KIAA0232: variants seen among roughly 807,000 people sequenced by gnomAD.
KIAA0232 encodes uncharacterized protein KIAA0232.
In KIAA0232, 27 loss-of-function variants were observed where a neutral mutation model predicts 122.0. That is an observed-to-expected ratio of 0.22 (90% CI 0.16 to 0.31). The LOEUF (loss-of-function observed/expected upper bound fraction) is 0.31. KIAA0232 is among the 10% of genes least tolerant of loss of function. The pLI, the probability that KIAA0232 is intolerant of heterozygous loss-of-function variation, is 1.00. For missense variants in KIAA0232, 1,551 were observed against 1,634.2 expected, an observed-to-expected ratio of 0.95 and a Z score of 0.88; for synonymous variants, 613 against 587.6, an observed-to-expected ratio of 1.04 and a Z score of -0.63.
Position 6,861,805 on chromosome 4 carries a change from G to A in KIAA0232, c.1423G>A (p.Ala475Thr). The change falls in exon 7 of 10, where the codon GCA becomes ACA. Residue 475 changes from alanine (A) to threonine (T), a missense_variant. Around this residue, in one of 5 missense-constraint regions of KIAA0232, gnomAD observed 1,108 missense variants for 1,154.8 expected, o/e 0.96. Coordinates refer to ENST00000307659, the MANE Select transcript of KIAA0232 (RefSeq NM_014743.3). ...TGATGGTCATTTTGTAGAAATGCCT[G>A]CAGTTATAAATGAGGATATTGACCT... ...FIDGHFVEMP[A>T]VINEDIDLTG... 2 of 1,614,112 alleles carry A rather than the reference G, an allele frequency of 1.2e-6. No individual in the cohort carries two copies. Among genetic ancestry groups the A allele is most frequent in the African/African-American group, 1.3e-5 (1 of 75,036 alleles).
At chr4:6,784,669 A>G (rs1449204097) in intron 1 of KIAA0232, among the ~76,000 whole-genome samples, 2 of 152,214 alleles carry the variant, frequency 1.3e-5, no homozygotes, top group Non-Finnish European at 2.9e-5. Flanking sequence ...TGCATTTTTA[A>G]TCATTCAAAA....
chr4:6,814,248 A>G (rs965472074), intron 2 of KIAA0232, among the ~76,000 whole-genome samples: 6 of 152,104 alleles, frequency 3.9e-5, no homozygotes, highest in African/African-American at 1.4e-4. Flanking sequence ...TTTGCACTTA[A>G]CCACCTTGGG....
intron 1 of KIAA0232, among the ~76,000 whole-genome samples, chr4:6,790,392 CTTT>C (rs10532360): frequency 3.7e-5 from 4 of 109,372 alleles, no homozygotes; most frequent in African/African-American, 6.8e-5. Flanking sequence ...TAAAAAAGGT[CTTT>C]TTTTTTTTTT....
intron 1 of KIAA0232, among the ~76,000 whole-genome samples, chr4:6,791,120 A>G (rs1031627170): frequency 1.3e-5 from 2 of 150,650 alleles, no homozygotes; most frequent in East Asian, 2.0e-4. Flanking sequence ...GGGTTTTGCC[A>G]TGTTGCCCAG....
rs1229418114 is a variant in KIAA0232 at position 6,863,070 on chromosome 4, A to G, written c.2688A>G (p.Arg896=). Reference sequence around the variant, plus strand: ...GACAGAAAGAGAGCCTGGAGAAAAGAGCATTTGCTTCTAGTGAGCTATCAA... The same window carrying G: ...GACAGAAAGAGAGCCTGGAGAAAAGGGCATTTGCTTCTAGTGAGCTATCAA... ...WEGQKESLEK[R]AFASSELSNV... is the part of the protein sequence containing the mutation. The change falls in exon 7 of 10, where the codon AGA becomes AGG. Residue 896 remains arginine (R), a synonymous_variant. Coordinates refer to ENST00000307659, the MANE Select transcript of KIAA0232 (RefSeq NM_014743.3). 1 of 1,614,232 alleles carries G rather than the reference A, an allele frequency of 6.2e-7. No homozygotes were observed.
intron 1 of KIAA0232, among the ~76,000 whole-genome samples, chr4:6,792,075 T>C (rs1428353226): frequency 2.0e-5 from 3 of 152,238 alleles, no homozygotes; most frequent in Non-Finnish European, 4.4e-5. Flanking sequence ...TTGTGAGGCC[T>C]CTGCAGCCAC....
At chr4:6,806,412 G>A (rs1717615260) in intron 2 of KIAA0232, among the ~76,000 whole-genome samples, 4 of 152,132 alleles carry the variant, frequency 2.6e-5, no homozygotes, top group Admixed American at 2.6e-4. Context: ...CATCTCCATA[G>A]TACAATTAAA....
chr4:6,877,568 G>A (rs926851158), intron 9 of KIAA0232, among the ~76,000 whole-genome samples: 3 of 152,150 alleles, frequency 2.0e-5, no homozygotes, highest in Admixed American at 6.5e-5. Flanking sequence ...GAGGAGGAAG[G>A]AGAGCCAGTC....
At position 6,864,063 on chromosome 4, in the gene KIAA0232, A is replaced by G. The variant is rs756649674; in HGVS notation, c.3681A>G (p.Glu1227=). 2 of 1,614,220 alleles carry G rather than the reference A, an allele frequency of 1.2e-6. No individual in the cohort carries two copies. Among genetic ancestry groups the G allele is most frequent in the Admixed American group, 3.3e-5 (2 of 60,030 alleles). The part of the protein sequence containing the change: ...ESLEIDLESS[E]ANCKIMAQCE... Reference sequence around the variant, plus strand: ...TGGAAATAGATTTAGAAAGCTCAGAAGCAAATTGTAAAATAATGGCACAAT... The same window carrying G: ...TGGAAATAGATTTAGAAAGCTCAGAGGCAAATTGTAAAATAATGGCACAAT... The change falls in exon 7 of 10, where the codon GAA becomes GAG. Residue 1227 remains glutamate (E), a synonymous_variant. Coordinates refer to ENST00000307659, the MANE Select transcript of KIAA0232 (RefSeq NM_014743.3).
chr4:6,817,864 A>G (rs1340399330), intron 2 of KIAA0232, among the ~76,000 whole-genome samples: 1 of 152,184 alleles, frequency 6.6e-6, no homozygotes, highest in Non-Finnish European at 1.5e-5. Context: ...TAGATGTATA[A>G]TATAAAGGAC....
chr4:6,837,955 GTTGT>G (rs1268498728), intron 3 of KIAA0232, among the ~76,000 whole-genome samples: 11 of 152,124 alleles, frequency 7.2e-5, no homozygotes, highest in East Asian at 1.9e-4. Flanking sequence ...GGCAGAGGCG[GTTGT>G]TTGTTTTTTT....
At chr4:6,871,922 T>G (rs1246546658) in intron 8 of KIAA0232, among the ~76,000 whole-genome samples, 1 of 152,118 alleles carries the variant, frequency 6.6e-6, no homozygotes, top group Non-Finnish European at 1.5e-5. Flanking sequence ...TGACCATGGA[T>G]GAGGTGTGTA....
chr4:6,867,004 C>G (rs932166484), intron 7 of KIAA0232, among the ~76,000 whole-genome samples: 6 of 152,202 alleles, frequency 3.9e-5, no homozygotes, highest in Non-Finnish European at 8.8e-5. Flanking sequence ...ATGTATTCTC[C>G]AAGGATATTT....
intron 7 of KIAA0232, among the ~76,000 whole-genome samples, chr4:6,867,365 A>G (rs1721240728): frequency 1.3e-5 from 2 of 152,186 alleles, no homozygotes; most frequent in African/African-American, 4.8e-5. Flanking sequence ...AGCAGAAGCA[A>G]GGGTAAAGAG....
rs778912480 is a variant in KIAA0232, at chr4:6,861,238, C to T, written c.856C>T (p.Arg286Cys). 4 of 1,614,128 alleles carry T rather than the reference C, an allele frequency of 2.5e-6. No individual in the cohort carries two copies. In the South Asian group the frequency reaches 4.4e-5, roughly 18 times the overall value. Residue 286 changes from arginine (R) to cysteine (C), a missense_variant, in exon 7 of 10, where the codon CGC becomes TGC. Around this residue, in one of 5 missense-constraint regions of KIAA0232, gnomAD observed 377 missense variants for 381.7 expected, o/e 0.99. Transcript: ENST00000307659. ...TAAACCTGAAGGAAAGATTCGCCCT[C>T]GCTCGTGGTCTTCTGGCTCCAGTGA... ...RHKPEGKIRP[R>C]SWSSGSSEAG...
chr4:6,790,788 CTT>C (rs1352009014), intron 1 of KIAA0232, among the ~76,000 whole-genome samples: 5 of 151,648 alleles, frequency 3.3e-5, no homozygotes, highest in Non-Finnish European at 7.4e-5. Flanking sequence ...GTTTTTAATT[CTT>C]TCTTTGGTTG....
intron 2 of KIAA0232, among the ~76,000 whole-genome samples, chr4:6,818,483 A>G (rs1169284858): frequency 3.5e-5 from 5 of 143,158 alleles, no homozygotes; most frequent in African/African-American, 1.0e-4. Context: ...CCCATTTACA[A>G]TAGACACACA....
At chr4:6,829,325 C>T (rs1170943742) in intron 3 of KIAA0232, among the ~76,000 whole-genome samples, 1 of 152,130 alleles carries the variant, frequency 6.6e-6, no homozygotes, top group Admixed American at 6.6e-5. Flanking sequence ...CCAGGTTTCT[C>T]CTTGTAATGA....
At chr4:6,846,066 T>G (rs905194436) in intron 4 of KIAA0232, among the ~76,000 whole-genome samples, 3 of 150,668 alleles carry the variant, frequency 2.0e-5, no homozygotes, top group African/African-American at 7.4e-5. Flanking sequence ...AAAGCATATT[T>G]GTACTTGTAT....
Sources: allele counts gnomAD v4.1 joint callset (sites outside exome capture counted in the v4.1 genomes callset), GRCh38; gene constraint gnomAD v4.1.1; regional missense constraint gnomAD v4.1.1; transcripts MANE v1.5; gene names NCBI Gene and HGNC (gene_info 2026-07-23, HGNC 2026-07-21).